The following PDK4 variants were observed in gnomAD, a reference collection of about 807,000 sequenced individuals.
The protein encoded by PDK4 is pyruvate dehydrogenase kinase, isozyme 4.
In PDK4, 43 loss-of-function variants were observed where a neutral mutation model predicts 51.7. That is an observed-to-expected ratio of 0.83 (90% CI 0.65 to 1.07). The LOEUF is 1.07. Ranked by LOEUF, PDK4 falls within the 50% of genes least tolerant of loss-of-function variation. The pLI, the probability that PDK4 is intolerant of heterozygous loss-of-function variation, is 0.00. For missense variants in PDK4, 498 were observed against 503.5 expected (o/e 0.99, Z 0.10); for synonymous variants, 170 against 176.6 (o/e 0.96, Z 0.30).
Position 95,584,358 on chromosome 7 carries a change from T to C in PDK4, c.*1283A>G, listed in dbSNP as rs1165415339. On this transcript the variant is annotated 3_prime_UTR_variant, in exon 11 of 11. Coordinates refer to ENST00000005178, the MANE Select transcript of PDK4 (RefSeq NM_002612.4). ...TCTTTCCTTCCTGCCTTCTTTCATTTTTCCATTTCTTCTTCTCTAAGAGTA... is the reference window on the plus strand; with the variant it reads ...TCTTTCCTTCCTGCCTTCTTTCATTCTTCCATTTCTTCTTCTCTAAGAGTA... The C allele has an allele frequency of 6.8e-6, 1 of 146,584 alleles. No homozygotes were observed. The highest frequency in any genetic ancestry group is 2.8e-5 in the African/African-American group (1 of 36,182). The allele number at this position is 146,584 out of a possible 1,614,324, so 9.1% of individuals were successfully genotyped here.
chr7:95,596,075 C>G (rs1584126094), intron 1 of PDK4, 89 bp downstream of exon 1: 1 of 1,385,784 alleles, frequency 7.2e-7, no homozygotes, highest in East Asian at 2.7e-5. Context: ...GTTGTTTTAG[C>G]TTGAGCCTAG....
At chr7:95,595,261 A>G in intron 1 of PDK4, 97 bp from the exon 2 acceptor site, 1 of 710,680 alleles carries the variant, frequency 1.4e-6, no homozygotes. Context: ...CACATATATT[A>G]TAAAATTATA....
rs745466754 is a variant in PDK4 at position 95,595,165 on chromosome 7, C to T, written c.131-1G>A. 1 of 1,607,888 alleles carries T rather than the reference C, an allele frequency of 6.2e-7. No individual in the cohort carries two copies. Among genetic ancestry groups the T allele is most frequent in the Non-Finnish European group, 8.5e-7 (1 of 1,175,078 alleles). Reference sequence around the variant, plus strand: ...GTTCTTTCACATGCATTTTCTGAACCTATAATAAATGAAATCAATTTAGTT... The same window carrying T: ...GTTCTTTCACATGCATTTTCTGAACTTATAATAAATGAAATCAATTTAGTT... On this transcript the variant is annotated splice_acceptor_variant, in intron 1 of 10. Transcript: ENST00000005178. LOFTEE classifies it high-confidence loss of function.
At chr7:95,595,703 G>T (rs1037747140) in intron 1 of PDK4, among the ~76,000 whole-genome samples, 1 of 152,146 alleles carries the variant, frequency 6.6e-6, no homozygotes, top group African/African-American at 2.4e-5. Context: ...AAGAGACAAA[G>T]AAATCTGTCA....
chr7:95,595,167 A>G lies in PDK4; in HGVS notation c.131-3T>C. 6.2e-7 allele frequency: 1 copy of G among 1,606,874 alleles called. No homozygotes were observed. Among genetic ancestry groups the G allele is most frequent in the Non-Finnish European group, 8.5e-7 (1 of 1,174,032 alleles). Reference sequence around the variant, plus strand: ...TCTTTCACATGCATTTTCTGAACCTATAATAAATGAAATCAATTTAGTTTT... The same window carrying G: ...TCTTTCACATGCATTTTCTGAACCTGTAATAAATGAAATCAATTTAGTTTT... On this transcript the variant is annotated splice_polypyrimidine_tract_variant and splice_region_variant and intron_variant, in intron 1 of 10. Coordinates refer to ENST00000005178, the MANE Select transcript of PDK4 (RefSeq NM_002612.4).
In PDK4 at chr7:95,587,806, A is replaced by ATG. The variant is rs1791505588; in HGVS notation, c.790_791insCA (p.Val264AlafsTer14). On this transcript the variant is annotated frameshift_variant, in exon 8 of 11. Transcript: ENST00000005178. LOFTEE classifies it high-confidence loss of function. ...GGAAGGCTGATTTTCCTGGTGTTCA[A>ATG]CTGTTGCCCGCATTGCATTCTAAAA... 6.2e-6 allele frequency: 10 copies of ATG among 1,612,704 alleles called. No homozygotes were observed. The highest frequency in any genetic ancestry group is 4.5e-5 in the East Asian group (2 of 44,856).
intron 10 of PDK4, chr7:95,586,541 C>A (rs1791485353): frequency 6.5e-6 from 1 of 154,816 alleles, no homozygotes; most frequent in Non-Finnish European, 1.4e-5. Flanking sequence ...TGGCACCCCA[C>A]TGACAGCTTT....
At position 95,595,059 on chromosome 7, in the gene PDK4, A is replaced by G. The variant is rs1285642722; in HGVS notation, c.236T>C (p.Leu79Ser). The G allele has an allele frequency of 1.9e-6, 3 of 1,612,428 alleles. No homozygotes were observed. In the African/African-American group the frequency reaches 4.0e-5, roughly 21 times the overall value. The change falls in exon 2 of 11, where the codon TTA becomes TCA. Residue 79 changes from leucine (L) to serine (S), a missense_variant. Leu to Ser is a moderately radical substitution (Grantham distance 145). Coordinates refer to ENST00000005178, the MANE Select transcript of PDK4 (RefSeq NM_002612.4). Reference protein sequence around the residue: ...LKEIDILPTQLVNTSSVQLVK... With the variant: ...LKEIDILPTQSVNTSSVQLVK... The stretch of plus-strand genomic sequence containing the variant: ...CAATTGCACTGAAGAGGTATTTACT[A>G]ATTGGGTCGGGAGGATATCAATTTC...
At chr7:95,595,383 G>A (rs1791606526) in intron 1 of PDK4, among the ~76,000 whole-genome samples, 1 of 152,140 alleles carries the variant, frequency 6.6e-6, no homozygotes, top group Admixed American at 6.5e-5. Flanking sequence ...AAAAGTGACA[G>A]ATATAGGAGA....
chr7:95,594,603 C>G (rs1425455049), intron 2 of PDK4, among the ~76,000 whole-genome samples: 1 of 152,086 alleles, frequency 6.6e-6, no homozygotes, highest in Non-Finnish European at 1.5e-5. Flanking sequence ...GGATTTGAAC[C>G]CAGAGCCCAC....
Position 95,589,688 on chromosome 7 carries a change from G to T in PDK4, c.723C>A (p.Ile241=). The change falls in exon 7 of 11, where the codon ATC becomes ATA. Residue 241 remains isoleucine, a synonymous_variant. Coordinates refer to ENST00000005178, the MANE Select transcript of PDK4 (RefSeq NM_002612.4). ...GATGGAGGTGAGAAGGAACATACAC[G>T]ATGTGAATTGGTTGGTCTGGAAATT... The part of the protein sequence containing the change: ...NGKFPDQPIH[I]VYVPSHLHHM... The T allele has an allele frequency of 6.3e-7, 1 of 1,586,668 alleles. No homozygotes were observed. Among genetic ancestry groups the T allele is most frequent in the Non-Finnish European group, 8.7e-7 (1 of 1,155,634 alleles).
Position 95,596,454 on chromosome 7 carries a change from C to T in PDK4, c.-161G>A. On this transcript the variant is annotated 5_prime_UTR_variant, in exon 1 of 11. Transcript: ENST00000005178. ...GGCCTGGGCTGGGGTTTGAGGGTGCCGCGGAGTGAAGAGTCTGGGCAGAGT... is the reference window on the plus strand; with the variant it reads ...GGCCTGGGCTGGGGTTTGAGGGTGCTGCGGAGTGAAGAGTCTGGGCAGAGT... 2.9e-6 allele frequency: 2 copies of T among 692,472 alleles called. No homozygotes were observed. Among genetic ancestry groups the T allele is most frequent in the South Asian group, 4.6e-5 (2 of 43,694 alleles). 42.9% of individuals were successfully genotyped at this position (692,472 alleles called of 1,614,324 possible).
At chr7:95,587,926 T>C (rs1207939202) in intron 7 of PDK4, 101 bp from the exon 8 acceptor site, 2 of 746,644 alleles carry the variant, frequency 2.7e-6, no homozygotes, top group Non-Finnish European at 4.5e-6. Flanking sequence ...AGAGGGTAAT[T>C]CAAAGTTCCT....
At chr7:95,591,544 A>T (rs1377629334) in intron 6 of PDK4, among the ~76,000 whole-genome samples, 3 of 152,164 alleles carry the variant, frequency 2.0e-5, no homozygotes, top group Admixed American at 2.0e-4. Flanking sequence ...TATACATCTC[A>T]TATAAGTGGA....
intron 6 of PDK4, among the ~76,000 whole-genome samples, chr7:95,590,785 G>A (rs954716385): frequency 1.3e-5 from 2 of 152,180 alleles, no homozygotes; most frequent in Non-Finnish European, 2.9e-5. Context: ...AAAAGAGAAG[G>A]TAATTCCAAT....
intron 10 of PDK4, among the ~76,000 whole-genome samples, chr7:95,586,264 A>G (rs2073979): frequency 0.44 from 64,103 of 145,292 alleles, 14,876 homozygotes; most frequent in East Asian, 0.83. Flanking sequence ...GCACGATCTC[A>G]GCTCACTGCA....
In PDK4 at chr7:95,596,448, G is replaced by T; in HGVS notation, c.-155C>A. ...CGCCCCGGCCTGGGCTGGGGTTTGAGGGTGCCGCGGAGTGAAGAGTCTGGG... is the reference window on the plus strand; with the variant it reads ...CGCCCCGGCCTGGGCTGGGGTTTGATGGTGCCGCGGAGTGAAGAGTCTGGG... On this transcript the variant is annotated 5_prime_UTR_variant, in exon 1 of 11. Transcript: ENST00000005178. The T allele has an allele frequency of 1.3e-6, 1 of 747,224 alleles. No homozygotes were observed. Among genetic ancestry groups the T allele is most frequent in the Non-Finnish European group, 2.0e-6 (1 of 505,178 alleles). The allele number at this position is 747,224 out of a possible 1,614,324, so 46.3% of individuals were successfully genotyped here.
Position 95,589,677 on chromosome 7 carries a change from G to T in PDK4, c.734C>A (p.Pro245His). 1 of 1,587,298 alleles carries T rather than the reference G, an allele frequency of 6.3e-7. No homozygotes were observed. The highest frequency in any genetic ancestry group is 8.6e-7 in the Non-Finnish European group (1 of 1,156,592). Residue 245 changes from proline to histidine, a missense_variant, in exon 7 of 11, where the codon CCT becomes CAT. Coordinates refer to ENST00000005178, the MANE Select transcript of PDK4 (RefSeq NM_002612.4). ...AAAGAGCATATGATGGAGGTGAGAAGGAACATACACGATGTGAATTGGTTG... is the reference window on the plus strand; with the variant it reads ...AAAGAGCATATGATGGAGGTGAGAATGAACATACACGATGTGAATTGGTTG... ...PDQPIHIVYV[P>H]SHLHHMLFEL...
At position 95,587,085 on chromosome 7, in the gene PDK4, A is replaced by T. The variant is rs755500476; in HGVS notation, c.1020T>A (p.Tyr340Ter). The T allele has an allele frequency of 1.2e-6, 2 of 1,612,080 alleles. No individual in the cohort carries two copies. The highest frequency in any genetic ancestry group is 1.7e-6 in the Non-Finnish European group (2 of 1,178,412). ...FGYGLPISRL[Y>*]AKYFQGDLNL... ...TCAGATCTCCTTGAAAGTACTTTGC[A>T]TACAGACGAGAAATTGGCAAGCCGT... Residue 340 changes from tyrosine to a stop codon, truncating the protein, a stop_gained, in exon 10 of 11, where the codon TAT (tyrosine) becomes TAA (stop). Coordinates refer to ENST00000005178, the MANE Select transcript of PDK4 (RefSeq NM_002612.4). LOFTEE classifies it high-confidence loss of function.
Sources: gnomAD v4.1 joint callset for allele counts (sites outside exome capture counted in the v4.1 genomes callset) on GRCh38, gnomAD v4.1.1 for gene constraint, MANE v1.5 for transcripts, NCBI Gene and HGNC (gene_info 2026-07-23, HGNC 2026-07-21) for gene names.